Variants in ATP2B2 observed in about 807,000 individuals in gnomAD.
ATP2B2 encodes the protein plasma membrane calcium-transporting ATPase 2.
A neutral mutation model predicts 120.0 loss-of-function variants in ATP2B2; 15 were observed. That is an observed-to-expected ratio of 0.12 (90% CI 0.08 to 0.19). The LOEUF is 0.19. ATP2B2 is among the 10% of genes least tolerant of loss of function. ATP2B2 has a pLI of 1.00. For synonymous variants in ATP2B2, 694 were observed against 700.3 expected, an observed-to-expected ratio of 0.99 and a Z score of 0.14; for missense variants, 1,045 against 1,719.8, an observed-to-expected ratio of 0.61 and a Z score of 6.94.
rs115847721 is a variant in ATP2B2 at position 10,647,152 on chromosome 3, G to A, written c.-459-27191C>T. Among the ~76,000 whole-genome samples the A allele has an allele frequency of 6.0e-3, 909 of 152,288 alleles. 8 individuals carry two copies. Among genetic ancestry groups the A allele is most frequent in the African/African-American group, 0.021 (860 of 41,542 alleles). On this transcript the variant is annotated intron_variant, in intron 1 of 21. Coordinates refer to the ATP2B2 transcript ENST00000646379. ...GAAAGGAAAAGATTGTGGAGAACAA[G>A]GAATCTGAGCTGTGTCCAGCCCATG...
chr3:10,388,530 G>A (rs2061750343), intron 5 of ATP2B2, 128 bp from the exon 6 acceptor site: 1 of 1,369,282 alleles, frequency 7.3e-7, no homozygotes, highest in Non-Finnish European at 1.0e-6. Context: ...ATCACCTATG[G>A]TTAAGATTCA....
At chr3:10,395,096 G>T (rs537933039) in intron 5 of ATP2B2, among the ~76,000 whole-genome samples, 8 of 152,310 alleles carry the variant, frequency 5.3e-5, no homozygotes, top group South Asian at 2.1e-4. Flanking sequence ...GGTCCTCTAG[G>T]GATCATTGAA....
At chr3:10,528,198 T>C (rs1377404095) in intron 3 of ATP2B2, among the ~76,000 whole-genome samples, 1 of 152,184 alleles carries the variant, frequency 6.6e-6, no homozygotes, top group Non-Finnish European at 1.5e-5. Flanking sequence ...GAGGACTCTC[T>C]GTACAACTGG....
chr3:10,512,397 C>A (rs190458185), intron 3 of ATP2B2, among the ~76,000 whole-genome samples: 1 of 151,946 alleles, frequency 6.6e-6, no homozygotes, highest in African/African-American at 2.4e-5. Context: ...GCCTGAATGG[C>A]TCAGAGGCCA....
At chr3:10,444,433 C>G (rs775632555) in intron 2 of ATP2B2, among the ~76,000 whole-genome samples, 21 of 152,232 alleles carry the variant, frequency 1.4e-4, no homozygotes, top group Non-Finnish European at 2.1e-4. Context: ...ATCATATTCA[C>G]GTGCAGCACA....
chr3:10,410,885 G>A, intron 2 of ATP2B2, 70 bp from the exon 3 acceptor site: 1 of 1,548,588 alleles, frequency 6.5e-7, no homozygotes, highest in Non-Finnish European at 8.8e-7. Flanking sequence ...GGAATCTAGG[G>A]GCAGAAAAGG....
At chr3:10,365,048 C>T (rs1017050464) in intron 12 of ATP2B2, among the ~76,000 whole-genome samples, 1 of 152,238 alleles carries the variant, frequency 6.6e-6, no homozygotes, top group Non-Finnish European at 1.5e-5. Context: ...AGGGGCTGCT[C>T]TTTCTCTCAT....
intron 2 of ATP2B2, among the ~76,000 whole-genome samples, chr3:10,422,029 C>T (rs965223059): frequency 2.0e-5 from 3 of 152,116 alleles, no homozygotes; most frequent in African/African-American, 7.2e-5. Flanking sequence ...GGGTTTTGGC[C>T]CTGGGGGTCA....
At chr3:10,357,740 C>G (rs2060780021) in intron 14 of ATP2B2, among the ~76,000 whole-genome samples, 1 of 152,222 alleles carries the variant, frequency 6.6e-6, no homozygotes. Flanking sequence ...GAAGTGGAAG[C>G]CAGCCCCTCC....
intron 3 of ATP2B2, among the ~76,000 whole-genome samples, chr3:10,531,457 C>T (rs1463811877): frequency 6.6e-6 from 1 of 152,208 alleles, no homozygotes; most frequent in Non-Finnish European, 1.5e-5. Flanking sequence ...TCAGTTTCTT[C>T]CTTTGTACAA....
intron 2 of ATP2B2, among the ~76,000 whole-genome samples, chr3:10,549,538 A>T (rs1319330580): frequency 6.6e-6 from 1 of 152,262 alleles, no homozygotes; most frequent in Non-Finnish European, 1.5e-5. Context: ...GGAAAGTGAG[A>T]GGCAGCAGCA....
intron 2 of ATP2B2, among the ~76,000 whole-genome samples, chr3:10,553,080 T>A (rs558609935): frequency 6.6e-6 from 1 of 152,198 alleles, no homozygotes; most frequent in Non-Finnish European, 1.5e-5. Context: ...CACCTTCAGA[T>A]GATGTCAGGG....
chr3:10,528,407 C>T (rs994082865), intron 3 of ATP2B2, among the ~76,000 whole-genome samples: 3 of 152,154 alleles, frequency 2.0e-5, no homozygotes, highest in Admixed American at 2.0e-4. Flanking sequence ...CAGAGTCCCC[C>T]ACCCACCTTG....
intron 1 of ATP2B2, among the ~76,000 whole-genome samples, chr3:10,670,477 G>A (rs955560736): frequency 6.6e-6 from 1 of 152,168 alleles, no homozygotes; most frequent in African/African-American, 2.4e-5. Flanking sequence ...GAATGCAGTG[G>A]TGTGATCTTG....
At position 10,343,531 on chromosome 3, in the gene ATP2B2, A is replaced by C. The variant is rs202164109; in HGVS notation, c.2704-566T>G. Among the ~76,000 whole-genome samples, 1 of 242 alleles carries C rather than the reference A, an allele frequency of 4.1e-3. No individual in the cohort carries two copies. The highest frequency in any genetic ancestry group is 0.024 in the African/African-American group (1 of 42). The allele number at this position is 242 out of a possible 152,430, so 0.2% of individuals were successfully genotyped here. ...ATGAGGAATAGCAAAAGCAACTAAA[A>C]CTGTCAAGGACCTCACCACTTTTAG... is the stretch of plus-strand genomic sequence containing the variant. On this transcript the variant is annotated intron_variant, in intron 18 of 22. Coordinates refer to ENST00000360273, the MANE Select transcript of ATP2B2 (RefSeq NM_001001331.4). The surrounding 1 kb of genome is among the most constrained non-coding windows in gnomAD (Gnocchi z 4.2).
chr3:10,368,232 A>G (rs1407081521), intron 12 of ATP2B2, among the ~76,000 whole-genome samples: 1 of 151,786 alleles, frequency 6.6e-6, no homozygotes, highest in Non-Finnish European at 1.5e-5. Flanking sequence ...AGGTCTATGG[A>G]TCAATGCTGC....
rs958278964 is a variant in ATP2B2 at position 10,328,137 on chromosome 3, A to G, written c.*677T>C. The G allele has an allele frequency of 6.7e-6, 1 of 149,972 alleles. No homozygotes were observed. The highest frequency in any genetic ancestry group is 2.4e-5 in the African/African-American group (1 of 41,030). The allele number at this position is 149,972 out of a possible 1,614,324, so 9.3% of individuals were successfully genotyped here. On this transcript the variant is annotated 3_prime_UTR_variant, in exon 23 of 23. Coordinates refer to ENST00000360273, the MANE Select transcript of ATP2B2 (RefSeq NM_001001331.4). Reference sequence around the variant, plus strand: ...TATATATATTTATATATATATATATATATCTACCTATCTATATGGACGTAT... The same window carrying G: ...TATATATATTTATATATATATATATGTATCTACCTATCTATATGGACGTAT...
chr3:10,637,480 G>T (rs1302562852), intron 1 of ATP2B2, among the ~76,000 whole-genome samples: 3 of 152,178 alleles, frequency 2.0e-5, no homozygotes, highest in Non-Finnish European at 4.4e-5. Context: ...TTCTAGAGAT[G>T]AAAACTATGA....
At chr3:10,488,732 T>G (rs905714983) in intron 1 of ATP2B2, among the ~76,000 whole-genome samples, 52 of 152,070 alleles carry the variant, frequency 3.4e-4, no homozygotes, top group Admixed American at 1.3e-4. Context: ...AATGTGACCC[T>G]CTTTCTCCAC....
Sources: allele counts gnomAD v4.1 joint callset (sites outside exome capture counted in the v4.1 genomes callset), GRCh38; gene constraint gnomAD v4.1.1; non-coding constraint Gnocchi (gnomAD v3.1); transcripts MANE v1.5; gene names NCBI Gene and HGNC (gene_info 2026-07-23, HGNC 2026-07-21).